The following WASF3 variants were observed in gnomAD, a reference collection of about 807,000 sequenced individuals.
WASF3 encodes WASP family member 3, also known as actin-binding protein WASF3.
A neutral mutation model predicts 46.6 loss-of-function variants in WASF3; 11 were observed. That is an observed-to-expected ratio of 0.24 (90% CI 0.15 to 0.39). The LOEUF is 0.39. WASF3 is among the 10% of genes least tolerant of loss of function. The pLI is 1.00. For missense variants in WASF3, 576 were observed against 669.8 expected (o/e 0.86, Z 1.55); for synonymous variants, 242 against 259.7 (o/e 0.93, Z 0.65).
In WASF3 at chr13:26,682,894, T is replaced by G. The variant is rs771971361; in HGVS notation, c.1271T>G (p.Val424Gly). ...TCCTCCCCAATGCATGGCCCCCCAG[T>G]AGCTGAGGCGAAGCGGCAAGAGCCT... is the stretch of plus-strand genomic sequence containing the variant. Reference protein sequence around the residue: ...LSSSPMHGPPVAEAKRQEPAQ... With the variant: ...LSSSPMHGPPGAEAKRQEPAQ... The change falls in exon 9 of 10, where the codon GTA becomes GGA. Residue 424 changes from valine to glycine, a missense_variant. Around this residue, in one of 3 missense-constraint regions of WASF3, gnomAD observed 295 missense variants for 291.5 expected, o/e 1.01. Transcript: ENST00000335327. The surrounding 1 kb of genome is among the most constrained non-coding windows in gnomAD (Gnocchi z 4.4). 1 of 1,611,450 alleles carries G rather than the reference T, an allele frequency of 6.2e-7. No homozygotes were observed. Among genetic ancestry groups the G allele is most frequent in the East Asian group, 2.2e-5 (1 of 44,858 alleles).
chr13:26,605,489 A>T (rs1880765957), intron 1 of WASF3, among the ~76,000 whole-genome samples: 1 of 151,924 alleles, frequency 6.6e-6, no homozygotes, highest in Non-Finnish European at 1.5e-5. Context: ...GATTAGGAAG[A>T]TGCATTTTTT....
Position 26,679,172 on chromosome 13 carries a change from C to CCTCCACCTTGGCCGTG in WASF3, c.717-1880_717-1865dup, listed in dbSNP as rs1883154308. Among the ~76,000 whole-genome samples the CCTCCACCTTGGCCGTG allele has an allele frequency of 6.6e-6, 1 of 152,204 alleles. No homozygotes were observed. Among genetic ancestry groups the CCTCCACCTTGGCCGTG allele is most frequent in the African/African-American group, 2.4e-5 (1 of 41,466 alleles). On this transcript the variant is annotated intron_variant, in intron 7 of 9. Coordinates refer to ENST00000335327, the MANE Select transcript of WASF3 (RefSeq NM_006646.6). The surrounding 1 kb of genome is among the most constrained non-coding windows in gnomAD (Gnocchi z 4.8). ...CATGAGGCCTCGGGATCTCCACTCA[C>CCTCCACCTTGGCCGTG]CTCCACCTTGGCCGTGCGTCTGCAG...
At chr13:26,673,989 G>A (rs1219315796) in intron 6 of WASF3, among the ~76,000 whole-genome samples, 2 of 152,162 alleles carry the variant, frequency 1.3e-5, no homozygotes, top group Non-Finnish European at 2.9e-5. Flanking sequence ...GGGGGCAGAT[G>A]AGGTGGCGTG....
chr13:26,656,942 C>T lies in WASF3; in HGVS notation c.134-8086C>T, dbSNP rs9634434. Among the ~76,000 whole-genome samples, 4 of 151,986 alleles carry T rather than the reference C, an allele frequency of 2.6e-5. No individual in the cohort carries two copies. The East Asian group carries it at 7.7e-4, about 29-fold the overall frequency. ...TTCTAATAAATAGACAAGTATACAC[C>T]CCAAACCTGATACTCATTCCTTATG... On this transcript the variant is annotated intron_variant, in intron 3 of 9. Transcript: ENST00000335327.
At chr13:26,684,235 A>G (rs1324070168) in intron 9 of WASF3, among the ~76,000 whole-genome samples, 1 of 151,636 alleles carries the variant, frequency 6.6e-6, no homozygotes, top group African/African-American at 2.4e-5. Flanking sequence ...GCTCATGAAT[A>G]TCAAGTTCGG....
intron 2 of WASF3, among the ~76,000 whole-genome samples, chr13:26,639,454 G>A (rs753352808): frequency 1.3e-5 from 2 of 152,150 alleles, no homozygotes; most frequent in African/African-American, 2.4e-5. Flanking sequence ...AGGTTGTGTC[G>A]AGGGCTGTTC....
chr13:26,568,854 C>G (rs1295056924), intron 1 of WASF3, among the ~76,000 whole-genome samples: 1 of 152,126 alleles, frequency 6.6e-6, no homozygotes, highest in African/African-American at 2.4e-5. Context: ...TTGCTACTTT[C>G]CCCGTATGCC....
At chr13:26,672,088 G>A in intron 6 of WASF3, 99 bp downstream of exon 6, 1 of 939,192 alleles carries the variant, frequency 1.1e-6, no homozygotes, top group South Asian at 1.6e-5. Flanking sequence ...ATTGGATATA[G>A]TGCTGAAGTT....
chr13:26,672,367 C>A (rs757152795), intron 6 of WASF3, among the ~76,000 whole-genome samples: 1 of 152,146 alleles, frequency 6.6e-6, no homozygotes, highest in Non-Finnish European at 1.5e-5. Context: ...GTTTGGTTGC[C>A]TTCTAGCTGT....
chr13:26,617,300 TC>T (rs775517170), intron 2 of WASF3, among the ~76,000 whole-genome samples: 1 of 152,164 alleles, frequency 6.6e-6, no homozygotes, highest in Non-Finnish European at 1.5e-5. Flanking sequence ...ATAAGTGTCT[TC>T]CCCTCCATCT....
At chr13:26,629,016 T>A (rs1020801123) in intron 2 of WASF3, among the ~76,000 whole-genome samples, 2 of 152,232 alleles carry the variant, frequency 1.3e-5, no homozygotes, top group South Asian at 4.1e-4. Context: ...CCAGCGTTCA[T>A]TGGGATGGAC....
At chr13:26,657,308 A>T (rs1236921490) in intron 3 of WASF3, among the ~76,000 whole-genome samples, 1 of 152,166 alleles carries the variant, frequency 6.6e-6, no homozygotes, top group African/African-American at 2.4e-5. Context: ...ATGTCTAAGG[A>T]TTTTGCTTTT....
chr13:26,544,266 A>G, the WASF3 span, among the ~76,000 whole-genome samples: 2 of 152,216 alleles, frequency 1.3e-5, no homozygotes, highest in African/African-American at 4.8e-5. Flanking sequence ...GGAGTGAATC[A>G]TCATTGTTTT....
At chr13:26,660,516 G>A (rs933779703) in intron 3 of WASF3, among the ~76,000 whole-genome samples, 5 of 152,136 alleles carry the variant, frequency 3.3e-5, no homozygotes, top group African/African-American at 7.2e-5. Flanking sequence ...GAGTGATAGG[G>A]CAAAAACAGG....
At chr13:26,636,912 G>C (rs1345558264) in intron 2 of WASF3, among the ~76,000 whole-genome samples, 3 of 152,152 alleles carry the variant, frequency 2.0e-5, no homozygotes, top group Non-Finnish European at 2.9e-5. Flanking sequence ...TTTTCCTTAG[G>C]AGGAGATACC....
At chr13:26,580,526 G>A (rs955172669) in intron 1 of WASF3, among the ~76,000 whole-genome samples, 5 of 151,702 alleles carry the variant, frequency 3.3e-5, no homozygotes, top group African/African-American at 1.2e-4. Flanking sequence ...GATTTCATAT[G>A]TTATTTTTTG....
chr13:26,588,620 C>T (rs9553869), intron 1 of WASF3, among the ~76,000 whole-genome samples: 3 of 151,910 alleles, frequency 2.0e-5, no homozygotes, highest in Admixed American at 1.3e-4. Context: ...CTAATTTGAT[C>T]TTGTCGAACG....
intron 2 of WASF3, chr13:26,642,023 C>T (rs1439963465): frequency 4.2e-6 from 1 of 238,866 alleles, no homozygotes; most frequent in Non-Finnish European, 7.9e-6. Flanking sequence ...AGAGAGAAGT[C>T]AGAAATATGG....
At chr13:26,543,283 T>C in the WASF3 span, among the ~76,000 whole-genome samples, 1 of 152,154 alleles carries the variant, frequency 6.6e-6, no homozygotes, top group African/African-American at 2.4e-5. Flanking sequence ...TAAGCATAGA[T>C]GGATGGGTAG....
Sources: gnomAD v4.1 joint callset for allele counts (sites outside exome capture counted in the v4.1 genomes callset) on GRCh38, gnomAD v4.1.1 for gene constraint, gnomAD v4.1.1 regional missense constraint, Gnocchi (gnomAD v3.1) non-coding constraint, MANE v1.5 for transcripts, NCBI Gene and HGNC (gene_info 2026-07-23, HGNC 2026-07-21) for gene names.